Variants in PLEKHH2 observed in about 807,000 individuals in gnomAD.
PLEKHH2 encodes pleckstrin homology, MyTH4 and FERM domain containing H2, also known as pleckstrin homology domain-containing family H member 2.
Under a neutral mutation model 187.9 loss-of-function variants are expected in PLEKHH2, and 129 were observed. The observed-to-expected ratio is 0.69, with a 90% confidence interval of 0.59 to 0.79. PLEKHH2 has a LOEUF of 0.79. Among genes scored for constraint, PLEKHH2 ranks in the 30% least tolerant of loss-of-function variants. PLEKHH2 has a pLI of 0.00. For missense variants in PLEKHH2, 2,076 were observed against 1,751.2 expected (o/e 1.19, Z -3.31); for synonymous variants, 686 against 605.6 (o/e 1.13, Z -1.95).
At chr2:43,683,226 A>G (rs1467655669) in intron 3 of PLEKHH2, among the ~76,000 whole-genome samples, 3 of 144,016 alleles carry the variant, frequency 2.1e-5, no homozygotes, top group African/African-American at 7.8e-5. Flanking sequence ...GCTCACCACA[A>G]CCTCCGCCTC....
chr2:43,643,199 C>G (rs1666029061), intron 1 of PLEKHH2, among the ~76,000 whole-genome samples: 1 of 152,070 alleles, frequency 6.6e-6, no homozygotes, highest in African/African-American at 2.4e-5. Context: ...AGGTTATTAA[C>G]AAGGTTAATC....
intron 16 of PLEKHH2, among the ~76,000 whole-genome samples, chr2:43,721,496 C>G (rs1670478829): frequency 1.3e-5 from 2 of 152,154 alleles, no homozygotes; most frequent in Non-Finnish European, 2.9e-5. Flanking sequence ...TTTTGATAGC[C>G]TACACTCTCA....
In PLEKHH2 at chr2:43,747,109, C is replaced by CCTCT. The variant is rs10696940; in HGVS notation, c.3653+1168_3653+1171dup. On this transcript the variant is annotated intron_variant, in intron 24 of 29. Transcript: ENST00000282406. ...TTCTTTCTGTCTCTCTCTCTCTCTCCCTCTCTCTCTCTCTCTCTCTCTCTC... is the reference window on the plus strand; with the variant it reads ...TTCTTTCTGTCTCTCTCTCTCTCTCCCTCTCTCTCTCTCTCTCTCTCTCTCTCTC... Among the ~76,000 whole-genome samples the CCTCT allele has an allele frequency of 6.0e-4, 76 of 126,264 alleles. 1 individual carries two copies. The highest frequency in any genetic ancestry group is 2.9e-3 in the South Asian group (10 of 3,502). 82.8% of individuals were successfully genotyped at this position (126,264 alleles called of 152,430 possible). A position where few individuals can be genotyped will look rare whatever the true frequency, so the allele number is the denominator to read the frequency against.
At chr2:43,675,602 CT>C (rs777194651) in intron 2 of PLEKHH2, 1 of 1,613,540 alleles carries the variant, frequency 6.2e-7, no homozygotes, top group Non-Finnish European at 8.5e-7. Flanking sequence ...TTAAATACAT[CT>C]CTTCCTTCAT....
At chr2:43,697,122 A>T (rs369396893) in intron 6 of PLEKHH2, 49 bp from the exon 7 acceptor site, 59 of 1,455,458 alleles carry the variant, frequency 4.1e-5, no homozygotes, top group Non-Finnish European at 4.9e-5. Context: ...TATGTTTAAC[A>T]AACTTCTATA....
intron 9 of PLEKHH2, among the ~76,000 whole-genome samples, chr2:43,705,159 T>C (rs189732707): frequency 6.6e-6 from 1 of 151,282 alleles, no homozygotes; most frequent in Admixed American, 6.6e-5. Context: ...ACCTCCTCCC[T>C]ATCCCACCAC....
intron 24 of PLEKHH2, among the ~76,000 whole-genome samples, chr2:43,750,022 T>C (rs1019756537): frequency 2.6e-5 from 4 of 152,260 alleles, no homozygotes; most frequent in Non-Finnish European, 5.9e-5. Flanking sequence ...AAGCTTCTTA[T>C]TTAATTTGAT....
chr2:43,683,531 A>G (rs1208338240), intron 3 of PLEKHH2, among the ~76,000 whole-genome samples: 1 of 152,032 alleles, frequency 6.6e-6, no homozygotes, highest in East Asian at 1.9e-4. Context: ...CTTTTAATTT[A>G]TAGGGTCTTT....
intron 3 of PLEKHH2, among the ~76,000 whole-genome samples, chr2:43,684,849 C>A (rs1025321197): frequency 1.3e-5 from 2 of 149,032 alleles, no homozygotes; most frequent in Non-Finnish European, 3.0e-5. Context: ...GAGAGAATTA[C>A]AAATCTCTCA....
intron 17 of PLEKHH2, among the ~76,000 whole-genome samples, chr2:43,728,221 G>C (rs1401563507): frequency 2.0e-5 from 3 of 152,040 alleles, no homozygotes; most frequent in Non-Finnish European, 4.4e-5. Flanking sequence ...TCTCACGCCT[G>C]TAATCCCAGC....
At chr2:43,668,999 A>T (rs1312412082) in intron 2 of PLEKHH2, among the ~76,000 whole-genome samples, 1 of 152,144 alleles carries the variant, frequency 6.6e-6, no homozygotes, top group Non-Finnish European at 1.5e-5. Context: ...GGAGTAGGGA[A>T]TGGTCAGCTG....
chr2:43,690,844 C>G (rs183884401), intron 3 of PLEKHH2, among the ~76,000 whole-genome samples: 1 of 152,244 alleles, frequency 6.6e-6, no homozygotes, highest in Admixed American at 6.5e-5. Context: ...ATCAACTAGA[C>G]CATCTACAAT....
At chr2:43,650,524 A>G (rs1402921855) in intron 2 of PLEKHH2, among the ~76,000 whole-genome samples, 4 of 152,146 alleles carry the variant, frequency 2.6e-5, no homozygotes, top group Non-Finnish European at 5.9e-5. Context: ...GTAAAAACTT[A>G]CATGAATATT....
chr2:43,740,531 G>A (rs759555145), intron 20 of PLEKHH2, among the ~76,000 whole-genome samples: 4 of 152,196 alleles, frequency 2.6e-5, no homozygotes, highest in South Asian at 2.1e-4. Flanking sequence ...AGATACATAC[G>A]TGTGTGTAGG....
intron 19 of PLEKHH2, among the ~76,000 whole-genome samples, chr2:43,732,477 C>A (rs2104574535): frequency 6.6e-6 from 1 of 152,250 alleles, no homozygotes; most frequent in Non-Finnish European, 1.5e-5. Flanking sequence ...AGTTTCTTGA[C>A]CTTCTAAATT....
intron 27 of PLEKHH2, among the ~76,000 whole-genome samples, chr2:43,760,830 C>A (rs1023852467): frequency 6.6e-6 from 1 of 152,230 alleles, no homozygotes; most frequent in Non-Finnish European, 1.5e-5. Context: ...TGCCACTCTA[C>A]TTTCTGTCTC....
In PLEKHH2 at chr2:43,700,382, C is replaced by G. The variant is rs1234484770; in HGVS notation, c.1424C>G (p.Ala475Gly). ...AGGATGTTTGGTACAAATAGAAACG[C>G]TATAAGCATGATACGACCACTGAGA... ...SDRMFGTNRN[A>G]ISMIRPLRPQ... is the part of the protein sequence containing the mutation. Residue 475 changes from alanine to glycine, a missense_variant, in exon 8 of 30, where the codon GCT (alanine) becomes GGT (glycine). Ala to Gly is a moderately conservative substitution (Grantham distance 60). Coordinates refer to ENST00000282406, the MANE Select transcript of PLEKHH2 (RefSeq NM_172069.4). The G allele has an allele frequency of 2.5e-5, 40 of 1,613,836 alleles. 1 individual carries two copies. In the Admixed American group the frequency reaches 4.8e-4, roughly 20 times the overall value.
intron 22 of PLEKHH2, among the ~76,000 whole-genome samples, 196 bp downstream of exon 22, chr2:43,743,114 C>G (rs6544700): frequency 6.6e-6 from 1 of 151,972 alleles, no homozygotes; most frequent in East Asian, 1.9e-4. Context: ...CAAATCCATA[C>G]TGAACCAAAT....
At chr2:43,738,603 A>T in intron 20 of PLEKHH2, 83 bp downstream of exon 20, 2 of 1,308,170 alleles carry the variant, frequency 1.5e-6, no homozygotes, top group South Asian at 3.3e-5. Flanking sequence ...TTCAGCATAG[A>T]CATTTGGAGA....
Sources: allele counts gnomAD v4.1 joint callset (sites outside exome capture counted in the v4.1 genomes callset), GRCh38; gene constraint gnomAD v4.1.1; transcripts MANE v1.5; gene names NCBI Gene and HGNC (gene_info 2026-07-23, HGNC 2026-07-21).